RNPEP: variants seen among roughly 807,000 people sequenced by gnomAD.
RNPEP encodes the protein aminopeptidase B.
RNPEP carries 57 observed loss-of-function variants against 70.1 expected under a neutral mutation model. The ratio of observed to expected loss-of-function variants is 0.81; its 90% confidence interval spans 0.66 to 1.01. The LOEUF (loss-of-function observed/expected upper bound fraction) is 1.01, where lower values mean the gene tolerates loss of function less well. RNPEP is among the 50% of genes least tolerant of loss of function. The pLI is 0.00. For missense variants in RNPEP, 787 were observed against 852.4 expected (o/e 0.92, Z 0.96); for synonymous variants, 335 against 357.4 (o/e 0.94, Z 0.71).
At position 202,001,699 on chromosome 1, in the gene RNPEP, A is replaced by AT; in HGVS notation, c.1359dup (p.Asp454Ter). On this transcript the variant is annotated frameshift_variant, in exon 8 of 11. Coordinates refer to ENST00000295640, the MANE Select transcript of RNPEP (RefSeq NM_020216.4). LOFTEE classifies it high-confidence loss of function. ...TTCAAATTCCGAAGCATCTTAGCCG[A>AT]TGACTTTCTGGACTTCTACTTGGAA... 1 of 1,613,952 alleles carries AT rather than the reference A, an allele frequency of 6.2e-7. No homozygotes were observed. The highest frequency in any genetic ancestry group is 8.5e-7 in the Non-Finnish European group (1 of 1,179,812).
At chr1:201,989,617 T>C (rs373734433) in intron 3 of RNPEP, 86 bp downstream of exon 3, 4 of 1,425,154 alleles carry the variant, frequency 2.8e-6, no homozygotes, top group East Asian at 4.6e-5. Flanking sequence ...GGGGGGGTTC[T>C]TGGGCAGTCT....
intron 2 of RNPEP, 104 bp downstream of exon 2, chr1:201,989,148 T>G (rs1402457437): frequency 3.5e-6 from 5 of 1,430,816 alleles, no homozygotes; most frequent in Non-Finnish European, 3.8e-6. Flanking sequence ...ATCCATTCAG[T>G]GGTACTTCTG....
At chr1:202,004,104 A>G (rs1683952342) in intron 9 of RNPEP, among the ~76,000 whole-genome samples, 1 of 152,140 alleles carries the variant, frequency 6.6e-6, no homozygotes, top group Non-Finnish European at 1.5e-5. Flanking sequence ...AGCAACCTCC[A>G]CCTTCTGAGT....
At chr1:202,002,199 T>A (rs1246899090) in intron 8 of RNPEP, among the ~76,000 whole-genome samples, 1 of 151,600 alleles carries the variant, frequency 6.6e-6, no homozygotes, top group African/African-American at 2.4e-5. Context: ...GTTTCGCTCT[T>A]GTTGCCCAGG....
intron 1 of RNPEP, among the ~76,000 whole-genome samples, chr1:201,988,351 G>T (rs1392400420): frequency 1.3e-5 from 2 of 150,862 alleles, no homozygotes; most frequent in Admixed American, 1.3e-4. Context: ...CCAGCTACTT[G>T]GGAGGCTGAG....
At position 201,984,821 on chromosome 1, in the gene RNPEP, C is replaced by CTTTTTTCTTTTTCTTTTTTTT. The variant is rs1558257963; in HGVS notation, c.447+1714_447+1715insCTTTTTCTTTTTTTTTTTTTT. ...TTACTGCTAACTTTTGTATTTCTTT[C>CTTTTTTCTTTTTCTTTTTTTT]TTTTTTTTTTTTTTTTTTTTTTTTT... On this transcript the variant is annotated intron_variant, in intron 1 of 10. Transcript: ENST00000295640. 2.7e-4 allele frequency among the ~76,000 whole-genome samples: 33 copies of CTTTTTTCTTTTTCTTTTTTTT among 121,988 alleles called. 3 individuals carry two copies. Among genetic ancestry groups the CTTTTTTCTTTTTCTTTTTTTT allele is most frequent in the African/African-American group, 9.1e-4 (28 of 30,898 alleles). The allele number at this position is 121,988 out of a possible 152,430, so 80.0% of individuals were successfully genotyped here.
rs71141433 is a variant in RNPEP, at chr1:201,984,827, T to TCTTTTTC, written c.447+1714_447+1715insCTTTTTC. ...CTAACTTTTGTATTTCTTTCTTTTTTTTTTTTTTTTTTTTTTTTTTTTTTT... is the reference window on the plus strand; with the variant it reads ...CTAACTTTTGTATTTCTTTCTTTTTTCTTTTTCTTTTTTTTTTTTTTTTTTTTTTTTT... On this transcript the variant is annotated intron_variant, in intron 1 of 10. Coordinates refer to ENST00000295640, the MANE Select transcript of RNPEP (RefSeq NM_020216.4). 6.6e-3 allele frequency among the ~76,000 whole-genome samples: 95 copies of TCTTTTTC among 14,288 alleles called. 3 individuals are homozygous for TCTTTTTC. The highest frequency in any genetic ancestry group is 0.021 in the East Asian group (8 of 382). 9.4% of individuals were successfully genotyped at this position (14,288 alleles called of 152,430 possible). A position where few individuals can be genotyped will look rare whatever the true frequency, so the allele number is the denominator to read the frequency against.
intron 1 of RNPEP, chr1:201,983,533 C>T: frequency 7.6e-7 from 1 of 1,318,922 alleles, no homozygotes; most frequent in Non-Finnish European, 1.0e-6. Flanking sequence ...GATTATCAGC[C>T]ACCTTATCTC....
At chr1:202,005,510 G>T (rs1195810946) in intron 10 of RNPEP, 48 bp from the exon 11 acceptor site, 1 of 1,604,310 alleles carries the variant, frequency 6.2e-7, no homozygotes, top group African/African-American at 1.3e-5. Flanking sequence ...GGGCTGGACA[G>T]ATCCACCAGG....
intron 3 of RNPEP, among the ~76,000 whole-genome samples, chr1:201,989,863 G>A (rs1406198312): frequency 6.7e-6 from 1 of 149,428 alleles, no homozygotes; most frequent in Non-Finnish European, 1.5e-5. Flanking sequence ...TTTTTGAGAT[G>A]GAGTCTTGCT....
chr1:202,002,604 G>A (rs974235985), intron 8 of RNPEP, among the ~76,000 whole-genome samples: 17 of 152,202 alleles, frequency 1.1e-4, no homozygotes, highest in South Asian at 8.3e-4. Context: ...GATGAAGTCC[G>A]CGTCCTCTGA....
At chr1:202,002,686 C>T (rs187197654) in intron 8 of RNPEP, among the ~76,000 whole-genome samples, 65 of 152,284 alleles carry the variant, frequency 4.3e-4, no homozygotes, top group Admixed American at 1.5e-3. Context: ...GCGGGGACTC[C>T]GGAGCTAATG....
At chr1:201,983,406 C>T (rs1311349349) in intron 1 of RNPEP, 3 of 1,489,646 alleles carry the variant, frequency 2.0e-6, no homozygotes, top group African/African-American at 1.4e-5. Context: ...GTCCAGATTG[C>T]GCCGCATTCC....
intron 1 of RNPEP, among the ~76,000 whole-genome samples, chr1:201,988,457 CAAAAAAA>C (rs142459545): frequency 1.7e-5 from 2 of 114,378 alleles, no homozygotes; most frequent in South Asian, 2.8e-4. Flanking sequence ...TACTCTGTCT[CAAAAAAA>C]AAAAAAAAAA....
chr1:201,983,367 C>A, intron 1 of RNPEP: 1 of 1,500,848 alleles, frequency 6.7e-7, no homozygotes, highest in Non-Finnish European at 8.9e-7. Flanking sequence ...TTCCGTCCTT[C>A]CGCGTCTCCT....
At chr1:201,989,195 AG>A (rs1303705048) in intron 2 of RNPEP, 151 bp downstream of exon 2, 2 of 1,224,912 alleles carry the variant, frequency 1.6e-6, no homozygotes, top group African/African-American at 1.5e-5. Flanking sequence ...CACCTACTGA[AG>A]TTGTATGTAG....
At chr1:201,997,157 T>C (rs960110134) in intron 4 of RNPEP, among the ~76,000 whole-genome samples, 162 bp from the exon 5 acceptor site, 1 of 144,648 alleles carries the variant, frequency 6.9e-6, no homozygotes, top group African/African-American at 2.4e-5. Context: ...GGGAGAAGCA[T>C]TGAGGAGCCT....
In RNPEP at chr1:201,993,453, C is replaced by T. The variant is rs529956551; in HGVS notation, c.738-2694C>T. Among the ~76,000 whole-genome samples the T allele has an allele frequency of 1.3e-3, 203 of 152,190 alleles. 1 individual carries two copies. The highest frequency in any genetic ancestry group is 4.3e-3 in the African/African-American group (177 of 41,548). ...CTCTCCTAAAAACACAAAAATCAGC[C>T]GGACATGGTGGTGCACACCTATAAT... On this transcript the variant is annotated intron_variant, in intron 3 of 10. Coordinates refer to ENST00000295640, the MANE Select transcript of RNPEP (RefSeq NM_020216.4).
In RNPEP at chr1:202,004,434, A is replaced by G; in HGVS notation, c.1732A>G (p.Ile578Val). ...AGAGCTCCGGCTGCGATGGGGCCAA[A>G]TCGTCCTTAAGAACGACCACCAGGA... Reference protein sequence around the residue: ...NAELRLRWGQIVLKNDHQEDF... With the variant: ...NAELRLRWGQVVLKNDHQEDF... The change falls in exon 10 of 11, where the codon ATC becomes GTC. Residue 578 changes from isoleucine to valine, a missense_variant. By Grantham distance (29) the Ile-to-Val change is conservative. Transcript: ENST00000295640. The G allele has an allele frequency of 1.9e-6, 3 of 1,614,204 alleles. No homozygotes were observed. The highest frequency in any genetic ancestry group is 2.2e-5 in the East Asian group (1 of 44,874).
Sources: allele counts gnomAD v4.1 joint callset (sites outside exome capture counted in the v4.1 genomes callset), GRCh38; gene constraint gnomAD v4.1.1; transcripts MANE v1.5; gene names NCBI Gene and HGNC (gene_info 2026-07-23, HGNC 2026-07-21).